Variants in CDH11 observed in about 807,000 individuals in gnomAD.
CDH11 encodes cadherin-11.
In CDH11, 11 loss-of-function variants were observed where a neutral mutation model predicts 67.8. That is an observed-to-expected ratio of 0.16 (90% CI 0.10 to 0.27). CDH11 has a LOEUF of 0.27. Ranked by LOEUF, CDH11 falls within the 10% of genes least tolerant of loss-of-function variation. CDH11 has a pLI of 1.00. For missense variants in CDH11, 847 were observed against 1,031.2 expected (o/e 0.82, Z 2.45); for synonymous variants, 419 against 400.0 (o/e 1.05, Z -0.57).
intron 1 of CDH11, among the ~76,000 whole-genome samples, chr16:65,058,559 G>A (rs28379864): frequency 0.068 from 10,413 of 152,084 alleles, 1,221 homozygotes; most frequent in African/African-American, 0.24. Flanking sequence ...ATTGTTGAAC[G>A]GATGATTAAA....
intron 11 of CDH11, among the ~76,000 whole-genome samples, chr16:64,962,772 T>A (rs1263767368): frequency 6.6e-6 from 1 of 152,154 alleles, no homozygotes; most frequent in East Asian, 1.9e-4. Flanking sequence ...GGAAGCCTAA[T>A]CTTCTGGGAT....
chr16:65,120,514 G>T (rs571209603), intron 1 of CDH11, among the ~76,000 whole-genome samples: 2 of 152,280 alleles, frequency 1.3e-5, no homozygotes, highest in Admixed American at 1.3e-4. Context: ...ATCGTAGCAC[G>T]ATTTCTTTAG....
At chr16:64,949,488 G>A (rs564891425) in intron 12 of CDH11, among the ~76,000 whole-genome samples, 10 of 144,316 alleles carry the variant, frequency 6.9e-5, no homozygotes, top group South Asian at 2.2e-4. Flanking sequence ...GTGCAACGGC[G>A]CCATCTTGGC....
chr16:64,981,588 T>G (rs35216), intron 8 of CDH11: 40,006 of 152,336 alleles, frequency 0.26, 6,048 homozygotes, highest in Middle Eastern at 0.35. Flanking sequence ...TTGTCTTGCA[T>G]TGCCTCCAAT....
At chr16:64,950,613 C>T (rs960208261) in intron 12 of CDH11, among the ~76,000 whole-genome samples, 154 bp downstream of exon 12, 2 of 151,118 alleles carry the variant, frequency 1.3e-5, no homozygotes, top group African/African-American at 4.9e-5. Context: ...CCCCACAACG[C>T]CCACCCCGCC....
In CDH11 at chr16:64,945,541, T is replaced by A; in HGVS notation, c.*2062A>T. 1 of 1,030,508 alleles carries A rather than the reference T, an allele frequency of 9.7e-7. No individual in the cohort carries two copies. The highest frequency in any genetic ancestry group is 1.2e-6 in the Non-Finnish European group (1 of 856,618). The allele number at this position is 1,030,508 out of a possible 1,614,324, so 63.8% of individuals were successfully genotyped here. On this transcript the variant is annotated 3_prime_UTR_variant, in exon 13 of 13. Transcript: ENST00000268603. Reference sequence around the variant, plus strand: ...TCTTCATTGCAAATTCAATTGGAGATCTGTGCAAATCTAGCAAAATATTCT... The same window carrying A: ...TCTTCATTGCAAATTCAATTGGAGAACTGTGCAAATCTAGCAAAATATTCT...
At chr16:65,093,007 G>T (rs548964432) in intron 1 of CDH11, among the ~76,000 whole-genome samples, 1 of 149,728 alleles carries the variant, frequency 6.7e-6, no homozygotes, top group Non-Finnish European at 1.5e-5. Flanking sequence ...CGTGATCTTG[G>T]CCCACTGCAA....
chr16:65,019,489 G>C (rs1281868036), intron 2 of CDH11, among the ~76,000 whole-genome samples: 1 of 152,006 alleles, frequency 6.6e-6, no homozygotes, highest in Non-Finnish European at 1.5e-5. Context: ...TGAAAATCTT[G>C]TTCAAGACAG....
intron 4 of CDH11, 70 bp downstream of exon 4, chr16:64,998,492 C>A: frequency 7.0e-7 from 1 of 1,419,008 alleles, no homozygotes. Flanking sequence ...TTTGGGAGAA[C>A]GGGCTTCAGC....
At chr16:64,998,970 T>A (rs1315897709) in intron 3 of CDH11, 114 bp from the exon 4 acceptor site, 11 of 841,226 alleles carry the variant, frequency 1.3e-5, no homozygotes, top group Middle Eastern at 2.4e-4. Flanking sequence ...GAAAGGGAGA[T>A]GTTCTCATCT....
intron 1 of CDH11, among the ~76,000 whole-genome samples, chr16:65,096,060 T>C (rs1440681884): frequency 6.6e-6 from 1 of 152,236 alleles, no homozygotes; most frequent in Non-Finnish European, 1.5e-5. Flanking sequence ...TGCTCTGATA[T>C]ATACATAAAT....
chr16:65,051,226 T>C (rs995988506), intron 2 of CDH11, among the ~76,000 whole-genome samples: 5 of 152,146 alleles, frequency 3.3e-5, no homozygotes, highest in Admixed American at 6.6e-5. Context: ...GAGAAAGAGG[T>C]GGGGACTCCT....
chr16:64,978,614 C>T (rs1228397168), intron 8 of CDH11, among the ~76,000 whole-genome samples: 1 of 152,126 alleles, frequency 6.6e-6, no homozygotes, highest in South Asian at 2.1e-4. Context: ...ATCAACAGTA[C>T]AAAACAATCC....
In CDH11 at chr16:65,073,491, A is replaced by T. The variant is rs138308941; in HGVS notation, c.-297-19563T>A. 2.6e-5 allele frequency among the ~76,000 whole-genome samples: 4 copies of T among 152,308 alleles called. No individual in the cohort carries two copies. In the East Asian group the frequency reaches 7.7e-4, roughly 29 times the overall value. ...GAGATGGGGTTTCACCATGTTGGCC[A>T]GGCTGGTTTCAAACTCCTGGCCTCA... On this transcript the variant is annotated intron_variant, in intron 1 of 12. Transcript: ENST00000268603.
intron 2 of CDH11, among the ~76,000 whole-genome samples, chr16:65,025,143 T>C (rs1208042156): frequency 6.6e-6 from 1 of 152,142 alleles, no homozygotes; most frequent in East Asian, 1.9e-4. Context: ...ACTTCCCCTC[T>C]CTGAGTCTCT....
chr16:64,952,328 TG>T (rs2071384491), intron 11 of CDH11, among the ~76,000 whole-genome samples: 2 of 152,206 alleles, frequency 1.3e-5, no homozygotes, highest in Non-Finnish European at 2.9e-5. Flanking sequence ...TTGACCTCTG[TG>T]GGACTGTGAA....
intron 2 of CDH11, among the ~76,000 whole-genome samples, chr16:65,016,264 C>A (rs2073306276): frequency 6.6e-6 from 1 of 152,148 alleles, no homozygotes; most frequent in Non-Finnish European, 1.5e-5. Flanking sequence ...ATAATCCAAT[C>A]TTTGAAACCT....
intron 2 of CDH11, among the ~76,000 whole-genome samples, chr16:65,015,780 A>T (rs2073293651): frequency 6.6e-6 from 1 of 152,208 alleles, no homozygotes; most frequent in Admixed American, 6.5e-5. Context: ...TTTGTAAGGT[A>T]TAAACAATGA....
At chr16:65,021,029 TC>T in intron 2 of CDH11, among the ~76,000 whole-genome samples, 1 of 151,958 alleles carries the variant, frequency 6.6e-6, no homozygotes. Flanking sequence ...AATCAGCCCA[TC>T]CCCCATTGAA....
Sources: allele counts gnomAD v4.1 joint callset (sites outside exome capture counted in the v4.1 genomes callset), GRCh38; gene constraint gnomAD v4.1.1; transcripts MANE v1.5; gene names NCBI Gene and HGNC (gene_info 2026-07-23, HGNC 2026-07-21).